The following NAV3 variants were observed in gnomAD, a reference collection of about 807,000 sequenced individuals.
NAV3 encodes neuron navigator 3.
NAV3 carries 87 observed loss-of-function variants against 244.7 expected under a neutral mutation model. That is an observed-to-expected ratio of 0.36 (90% CI 0.30 to 0.42). The LOEUF (loss-of-function observed/expected upper bound fraction) is 0.42, where lower values mean the gene tolerates loss of function less well. NAV3 is among the 20% of genes least tolerant of loss of function. The pLI, the probability that NAV3 is intolerant of heterozygous loss-of-function variation, is 1.00. For missense variants in NAV3, 2,663 were observed against 2,893.3 expected, an observed-to-expected ratio of 0.92 and a Z score of 1.83; for synonymous variants, 1,126 against 1,042.2, an observed-to-expected ratio of 1.08 and a Z score of -1.55.
chr12:77,894,616 C>T lies in NAV3; in HGVS notation c.244-45703C>T, dbSNP rs569267040. Among the ~76,000 whole-genome samples, 329 of 152,230 alleles carry T rather than the reference C, an allele frequency of 2.2e-3. 1 individual carries two copies. Among genetic ancestry groups the T allele is most frequent in the Non-Finnish European group, 3.8e-3 (256 of 68,016 alleles). On this transcript the variant is annotated intron_variant, in intron 1 of 39. Coordinates refer to ENST00000397909, the MANE Select transcript of NAV3 (RefSeq NM_001024383.2). ...ATTAGAAAGAACTAGCCAGTAGCTA[C>T]CACAGAAGTTGCAAACTCAAATAAA...
At position 77,963,211 on chromosome 12, in the gene NAV3, A is replaced by G. The variant is rs145767089; in HGVS notation, c.415-3018A>G. On this transcript the variant is annotated intron_variant, in intron 3 of 39. Transcript: ENST00000397909. Reference sequence around the variant, plus strand: ...AACAGTGTTTGTACTAGGTCTATTTATAATAACTGAGAGATGTTTAAGGGA... The same window carrying G: ...AACAGTGTTTGTACTAGGTCTATTTGTAATAACTGAGAGATGTTTAAGGGA... Among the ~76,000 whole-genome samples, 8 of 152,290 alleles carry G rather than the reference A, an allele frequency of 5.3e-5. No homozygotes were observed. In the East Asian group the frequency reaches 7.7e-4, roughly 15 times the overall value.
intron 38 of NAV3, 90 bp from the exon 39 acceptor site, chr12:78,204,845 T>A: frequency 8.9e-7 from 1 of 1,128,482 alleles, no homozygotes. Flanking sequence ...GAACTCAATA[T>A]GTCAAAAAAT....
At chr12:77,951,901 C>T (rs2137662516) in intron 3 of NAV3, among the ~76,000 whole-genome samples, 1 of 152,054 alleles carries the variant, frequency 6.6e-6, no homozygotes. Flanking sequence ...GAGAACATCA[C>T]ACACCAGGGT....
chr12:77,585,833 G>A lies in NAV3; in HGVS notation c.72+13567G>A, dbSNP rs190625948. Among the ~76,000 whole-genome samples, 850 of 152,212 alleles carry A rather than the reference G, an allele frequency of 5.6e-3. 1 individual carries two copies. Among genetic ancestry groups the A allele is most frequent in the Non-Finnish European group, 8.5e-3 (580 of 68,020 alleles). On this transcript the variant is annotated intron_variant, in intron 2 of 8. Coordinates refer to the NAV3 transcript ENST00000550042. ...GTATATGATGTCAATAGGCTTTTCT[G>A]TCTCTTTACCTCTGAAATATTTAAA...
At chr12:77,967,491 G>A (rs1892622988) in intron 4 of NAV3, among the ~76,000 whole-genome samples, 1 of 152,064 alleles carries the variant, frequency 6.6e-6, no homozygotes, top group Non-Finnish European at 1.5e-5. Flanking sequence ...CATAGTTTGA[G>A]TTATATGATA....
In NAV3 at chr12:78,119,378, C is replaced by T. The variant is rs2138606733; in HGVS notation, c.3182C>T (p.Ala1061Val). Residue 1061 changes from alanine (A) to valine (V), a missense_variant, in exon 15 of 40, where the codon GCC becomes GTC. By Grantham distance (64) the Ala-to-Val change is moderately conservative. Coordinates refer to ENST00000397909, the MANE Select transcript of NAV3 (RefSeq NM_001024383.2). ...CCCTCAGGCATTGGAAGATCGACTG[C>T]CACCAGCTCCTTTGGCTTTAAGAAA... The part of the protein sequence containing the change: ...KPPSGIGRST[A>V]TSSFGFKKPS... The T allele has an allele frequency of 6.2e-7, 1 of 1,614,130 alleles. No homozygotes were observed. The highest frequency in any genetic ancestry group is 8.5e-7 in the Non-Finnish European group (1 of 1,180,014).
chr12:77,892,362 A>C (rs79520452), intron 1 of NAV3, among the ~76,000 whole-genome samples: 4,909 of 152,176 alleles, frequency 0.032, 116 homozygotes, highest in African/African-American at 0.066. Context: ...TTAGGTGATC[A>C]CCAAGGGTTT....
intron 1 of NAV3, among the ~76,000 whole-genome samples, chr12:77,879,534 G>T (rs927704617): frequency 2.6e-5 from 4 of 151,692 alleles, no homozygotes; most frequent in African/African-American, 7.3e-5. Context: ...AATTAGCTGG[G>T]TGTGGTGGTG....
chr12:77,955,140 T>C (rs1174843255), intron 3 of NAV3, among the ~76,000 whole-genome samples: 1 of 152,174 alleles, frequency 6.6e-6, no homozygotes, highest in Non-Finnish European at 1.5e-5. Flanking sequence ...ATTTGAAGGC[T>C]ACTAACCTTT....
chr12:77,805,884 T>C (rs1205891535), intron 2 of NAV3, among the ~76,000 whole-genome samples: 2 of 152,176 alleles, frequency 1.3e-5, no homozygotes, highest in Non-Finnish European at 2.9e-5. Flanking sequence ...TTCTTCCTGG[T>C]TTAGTCTTGG....
intron 1 of NAV3, among the ~76,000 whole-genome samples, chr12:77,839,639 C>G (rs556255516): frequency 6.6e-6 from 1 of 152,282 alleles, no homozygotes; most frequent in South Asian, 2.1e-4. Context: ...TGGTGGTCAA[C>G]ACTTATTACC....
At chr12:77,779,579 C>T (rs1870563002) in intron 2 of NAV3, among the ~76,000 whole-genome samples, 1 of 152,030 alleles carries the variant, frequency 6.6e-6, no homozygotes, top group Admixed American at 6.6e-5. Context: ...GGTTTTATAA[C>T]TTATTTATAT....
intron 5 of NAV3, among the ~76,000 whole-genome samples, chr12:77,992,216 C>T (rs1007977600): frequency 7.9e-5 from 12 of 151,982 alleles, no homozygotes; most frequent in South Asian, 2.1e-4. Context: ...TTCAAATATT[C>T]GATTCTGAAG....
intron 1 of NAV3, among the ~76,000 whole-genome samples, chr12:77,871,748 A>T (rs925427268): frequency 6.6e-6 from 1 of 152,160 alleles, no homozygotes; most frequent in African/African-American, 2.4e-5. Flanking sequence ...CAGTAAACAT[A>T]CATGTGCATG....
At chr12:77,966,469 G>A (rs1892525446) in intron 4 of NAV3, among the ~76,000 whole-genome samples, 168 bp downstream of exon 4, 1 of 151,994 alleles carries the variant, frequency 6.6e-6, no homozygotes, top group South Asian at 2.1e-4. Context: ...ATTAATATGT[G>A]CTCTAAGTAT....
At chr12:77,594,932 G>A (rs1228699315) in intron 2 of NAV3, among the ~76,000 whole-genome samples, 2 of 152,134 alleles carry the variant, frequency 1.3e-5, no homozygotes, top group Non-Finnish European at 2.9e-5. Flanking sequence ...ACTGAGAAAA[G>A]GGATAATGTT....
chr12:78,047,566 C>CAG (rs1248480910), intron 9 of NAV3, among the ~76,000 whole-genome samples: 1 of 152,176 alleles, frequency 6.6e-6, no homozygotes, highest in African/African-American at 2.4e-5. Flanking sequence ...AGGGTTTCTG[C>CAG]AGAGAGATCC....
intron 12 of NAV3, among the ~76,000 whole-genome samples, chr12:78,105,724 A>G (rs1414961026): frequency 6.6e-6 from 1 of 151,940 alleles, no homozygotes. Context: ...TGTAAAAAAA[A>G]CAAAAGGTTT....
Position 77,809,836 on chromosome 12 carries a change from T to C in NAV3, c.73-130483T>C, listed in dbSNP as rs551731555. Among the ~76,000 whole-genome samples the C allele has an allele frequency of 2.7e-4, 41 of 152,370 alleles. No individual in the cohort carries two copies. In the South Asian group the frequency reaches 4.8e-3, roughly 18 times the overall value. Reference sequence around the variant, plus strand: ...AACCACTGTTGTATGGCTTTTTTCATGGCAAATTACAAATCAGTTTGACCT... The same window carrying C: ...AACCACTGTTGTATGGCTTTTTTCACGGCAAATTACAAATCAGTTTGACCT... On this transcript the variant is annotated intron_variant, in intron 2 of 8. Transcript: ENST00000550042.
Sources: gnomAD v4.1 joint callset for allele counts (sites outside exome capture counted in the v4.1 genomes callset) on GRCh38, gnomAD v4.1.1 for gene constraint, MANE v1.5 for transcripts, NCBI Gene and HGNC (gene_info 2026-07-23, HGNC 2026-07-21) for gene names.